Variants in ZCCHC10 observed in about 807,000 individuals in gnomAD.
ZCCHC10 encodes zinc finger CCHC domain-containing protein 10.
In ZCCHC10, 16 loss-of-function variants were observed where a neutral mutation model predicts 19.5. That is an observed-to-expected ratio of 0.82 (90% CI 0.56 to 1.25). The LOEUF (loss-of-function observed/expected upper bound fraction) is 1.25, where lower values mean the gene tolerates loss of function less well. Among genes scored for constraint, ZCCHC10 ranks in the 50% most tolerant of loss-of-function variants. The probability of loss-of-function intolerance (pLI) is 0.00; values close to 1 mark genes in which losing one functional copy is unlikely to be tolerated. For missense variants in ZCCHC10, 197 were observed against 201.0 expected, an observed-to-expected ratio of 0.98 and a Z score of 0.12; for synonymous variants, 67 against 72.5, an observed-to-expected ratio of 0.92 and a Z score of 0.38.
intron 3 of ZCCHC10, among the ~76,000 whole-genome samples, chr5:133,004,244 G>A (rs1037961287): frequency 6.7e-6 from 1 of 148,842 alleles, no homozygotes; most frequent in African/African-American, 2.5e-5. Flanking sequence ...GTGCAGTCTC[G>A]GCTCACCACA....
At chr5:132,998,975 G>A in intron 4 of ZCCHC10, 125 bp from the exon 5 acceptor site, 3 of 1,300,116 alleles carry the variant, frequency 2.3e-6, no homozygotes, top group African/African-American at 1.5e-5. Flanking sequence ...GAGTGCAGTG[G>A]CACAATCTCA....
chr5:132,997,550 C>T lies in ZCCHC10; in HGVS notation c.*1033G>A, dbSNP rs1243432148. 2 of 152,032 alleles carry T rather than the reference C, an allele frequency of 1.3e-5. No individual in the cohort carries two copies. The highest frequency in any genetic ancestry group is 3.9e-4 in the East Asian group (2 of 5,190). 9.4% of individuals were successfully genotyped at this position (152,032 alleles called of 1,614,324 possible). ...ATGCTAGATTTCAACTATGTATATCCTATGTAAACACACCAGATTAATCCT... is the reference window on the plus strand; with the variant it reads ...ATGCTAGATTTCAACTATGTATATCTTATGTAAACACACCAGATTAATCCT... On this transcript the variant is annotated 3_prime_UTR_variant, in exon 5 of 5. Coordinates refer to ENST00000509437, the MANE Select transcript of ZCCHC10 (RefSeq NM_001300816.3).
chr5:133,017,360 C>T (rs1763992866), intron 2 of ZCCHC10, among the ~76,000 whole-genome samples: 1 of 149,172 alleles, frequency 6.7e-6, no homozygotes, highest in Non-Finnish European at 1.5e-5. Context: ...TAAAAATGTC[C>T]ATAGCATGAT....
At chr5:133,018,396 C>G (rs922590000) in intron 2 of ZCCHC10, among the ~76,000 whole-genome samples, 1 of 151,826 alleles carries the variant, frequency 6.6e-6, no homozygotes, top group Non-Finnish European at 1.5e-5. Context: ...AATCCTCCCT[C>G]CTTGGCCTCT....
intron 2 of ZCCHC10, among the ~76,000 whole-genome samples, chr5:133,017,908 G>T (rs1193811993): frequency 6.6e-6 from 1 of 152,058 alleles, no homozygotes; most frequent in South Asian, 2.1e-4. Flanking sequence ...ACTTTAGGAG[G>T]CCAGGTGGGT....
chr5:133,008,537 CAAA>C (rs567424776), intron 2 of ZCCHC10, among the ~76,000 whole-genome samples: 3 of 98,462 alleles, frequency 3.0e-5, no homozygotes, highest in Non-Finnish European at 2.0e-5. Flanking sequence ...GACTCCATCT[CAAA>C]AAAAAAAAAA....
intron 2 of ZCCHC10, among the ~76,000 whole-genome samples, chr5:133,008,527 G>A (rs1763284896): frequency 8.0e-6 from 1 of 125,720 alleles, no homozygotes; most frequent in African/African-American, 3.4e-5. Flanking sequence ...AACAGGGTGA[G>A]ACTCCATCTC....
At chr5:133,001,664 C>G (rs966861613) in intron 3 of ZCCHC10, among the ~76,000 whole-genome samples, 2 of 151,892 alleles carry the variant, frequency 1.3e-5, no homozygotes, top group African/African-American at 4.8e-5. Context: ...ACCATGTTGC[C>G]CAGCCTGGTC....
Position 132,998,500 on chromosome 5 carries a change from C to T in ZCCHC10, c.*83G>A. ...CTAGAAATGTTCACCAGTTAACCTACTTGGCCTTAACATATTCTAAATTCC... is the reference window on the plus strand; with the variant it reads ...CTAGAAATGTTCACCAGTTAACCTATTTGGCCTTAACATATTCTAAATTCC... On this transcript the variant is annotated 3_prime_UTR_variant, in exon 5 of 5. Coordinates refer to ENST00000509437, the MANE Select transcript of ZCCHC10 (RefSeq NM_001300816.3). 1 of 1,253,944 alleles carries T rather than the reference C, an allele frequency of 8.0e-7. No individual in the cohort carries two copies. 77.7% of individuals were successfully genotyped at this position (1,253,944 alleles called of 1,614,324 possible).
intron 3 of ZCCHC10, 152 bp from the exon 4 acceptor site, chr5:133,000,325 A>G: frequency 1.2e-6 from 1 of 830,098 alleles, no homozygotes; most frequent in East Asian, 2.8e-5. Context: ...TATTATAAGC[A>G]AGTGGAAAGT....
chr5:133,000,084 A>G lies in ZCCHC10; in HGVS notation c.311+48T>C, dbSNP rs950460823. ...TTAAAATCACCTTTCCCATCCCGCC[A>G]ATTAGTATTACATGTTATCTATAAA... On this transcript the variant is annotated intron_variant, in intron 4 of 4. Transcript: ENST00000509437. 3.2e-6 allele frequency: 5 copies of G among 1,585,316 alleles called. No homozygotes were observed. In the African/African-American group the frequency reaches 5.4e-5, roughly 17 times the overall value.
At chr5:133,003,239 C>A in intron 3 of ZCCHC10, 1 of 422,446 alleles carries the variant, frequency 2.4e-6, no homozygotes. Context: ...TTGTTCAATC[C>A]AGATGTTTGT....
In ZCCHC10 at chr5:133,005,027, C is replaced by T. The variant is rs1027537774; in HGVS notation, c.269+1732G>A. ...AAAAGAATTTACTCTCAGCTGGGTG[C>T]GGTGGCTCACGCCTGTAATCCCAGC... On this transcript the variant is annotated intron_variant, in intron 3 of 4. Coordinates refer to ENST00000509437, the MANE Select transcript of ZCCHC10 (RefSeq NM_001300816.3). Among the ~76,000 whole-genome samples, 11 of 151,968 alleles carry T rather than the reference C, an allele frequency of 7.2e-5. No individual in the cohort carries two copies. In the Middle Eastern group the frequency reaches 0.017, roughly 235 times the overall value.
intron 2 of ZCCHC10, among the ~76,000 whole-genome samples, chr5:133,007,544 CAAAA>C (rs58700549): frequency 1.7e-5 from 2 of 119,260 alleles, no homozygotes; most frequent in African/African-American, 2.8e-5. Context: ...CTCCGTCTCA[CAAAA>C]AAAAAAAAAA....
intron 3 of ZCCHC10, among the ~76,000 whole-genome samples, chr5:133,006,434 G>A (rs1245556514): frequency 6.6e-6 from 1 of 152,100 alleles, no homozygotes; most frequent in East Asian, 1.9e-4. Flanking sequence ...GAATCTGGGG[G>A]ACAGGCTGCA....
chr5:133,026,494 T>A lies in ZCCHC10; in HGVS notation c.41+3A>T. The A allele has an allele frequency of 1.9e-6, 3 of 1,613,624 alleles. 1 individual carries two copies. The highest frequency in any genetic ancestry group is 2.5e-6 in the Non-Finnish European group (3 of 1,179,894). On this transcript the variant is annotated splice_donor_region_variant and intron_variant, in intron 1 of 4. Transcript: ENST00000509437. ...AGTGGACCCGAACCGGATCCTTACTTACGCTTGTCTCCGGGCTATTAGCCG... is the reference window on the plus strand; with the variant it reads ...AGTGGACCCGAACCGGATCCTTACTAACGCTTGTCTCCGGGCTATTAGCCG...
chr5:133,026,510 C>G lies in ZCCHC10; in HGVS notation c.28G>C (p.Ala10Pro), dbSNP rs143508297. The G allele has an allele frequency of 3.7e-6, 6 of 1,613,708 alleles. No individual in the cohort carries two copies. The African/African-American group carries it at 4.0e-5, about 11-fold the overall frequency. ...ATCCTTACTTACGCTTGTCTCCGGG[C>G]TATTAGCCGATGCATGGGAGTCGCC... MATPMHRLIARRQAFDTELQ... is the reference protein window; with the variant it reads MATPMHRLIPRRQAFDTELQ... The change falls in exon 1 of 5, where the codon GCC (alanine) becomes CCC (proline). Residue 10 changes from alanine (A) to proline (P), a missense_variant. By Grantham distance (27) the Ala-to-Pro change is conservative. Transcript: ENST00000509437.
At chr5:133,018,459 G>A (rs948193865) in intron 2 of ZCCHC10, among the ~76,000 whole-genome samples, 3 of 151,922 alleles carry the variant, frequency 2.0e-5, no homozygotes, top group African/African-American at 7.3e-5. Context: ...GAGTACAGTG[G>A]CGCAATCTCG....
intron 2 of ZCCHC10, among the ~76,000 whole-genome samples, chr5:133,014,603 T>C (rs548304972): frequency 1.3e-5 from 2 of 152,358 alleles, no homozygotes; most frequent in East Asian, 1.9e-4. Context: ...AGTCACGTCT[T>C]GCTTTTCATG....
Sources: allele counts gnomAD v4.1 joint callset (sites outside exome capture counted in the v4.1 genomes callset), GRCh38; gene constraint gnomAD v4.1.1; transcripts MANE v1.5; gene names NCBI Gene and HGNC (gene_info 2026-07-23, HGNC 2026-07-21).